UFC1: variants seen among roughly 807,000 people sequenced by gnomAD.
The protein encoded by UFC1 is ubiquitin-fold modifier-conjugating enzyme 1.
In UFC1, 22 loss-of-function variants were observed where a neutral mutation model predicts 28.0. The observed-to-expected ratio is 0.78, with a 90% CI of 0.56 to 1.12. The LOEUF is 1.12. Among genes scored for constraint, UFC1 ranks in the 50% most tolerant of loss-of-function variants. The pLI, the probability that UFC1 is intolerant of heterozygous loss-of-function variation, is 0.00. For missense variants in UFC1, 189 were observed against 207.8 expected (o/e 0.91, Z 0.56); for synonymous variants, 61 against 74.5 (o/e 0.82, Z 0.93).
At chr1:161,157,558 A>C (rs747744798) in intron 3 of UFC1, 59 bp from the exon 4 acceptor site, 63 of 1,513,332 alleles carry the variant, frequency 4.2e-5, no homozygotes, top group Non-Finnish European at 5.2e-5. Context: ...TGTATGTCTG[A>C]TTATATTAGT....
At chr1:161,154,379 G>A (rs1226954318) in intron 1 of UFC1, among the ~76,000 whole-genome samples, 3 of 152,156 alleles carry the variant, frequency 2.0e-5, no homozygotes, top group Non-Finnish European at 2.9e-5. Context: ...TTCCCCAGAA[G>A]GTGACGTGTC....
At chr1:161,157,988 T>C (rs1005532626) in intron 4 of UFC1, 133 bp from the exon 5 acceptor site, 21 of 791,584 alleles carry the variant, frequency 2.7e-5, no homozygotes, top group Non-Finnish European at 4.3e-5. Flanking sequence ...CCTCCTTTGC[T>C]GAGCCTAAGC....
In UFC1 at chr1:161,154,100, G is replaced by A. The variant is rs182746901; in HGVS notation, c.103G>A (p.Glu35Lys). Reference protein sequence around the residue: ...RELWVQRLKEEYQSLIRYVEN... With the variant: ...RELWVQRLKEKYQSLIRYVEN... ...GTTGTGGGTGCAGCGACTGAAGGAG[G>A]AATATCAGTCCCTTATCCGGGTTAG... Residue 35 changes from glutamate (E) to lysine (K), a missense_variant, in exon 1 of 6, where the codon GAA becomes AAA. By Grantham distance (56) the Glu-to-Lys change is moderately conservative. Coordinates refer to ENST00000368003, the MANE Select transcript of UFC1 (RefSeq NM_016406.4). 6.2e-7 allele frequency: 1 copy of A among 1,614,086 alleles called. No homozygotes were observed. The highest frequency in any genetic ancestry group is 8.5e-7 in the Non-Finnish European group (1 of 1,180,026).
intron 5 of UFC1, 68 bp from the exon 6 acceptor site, chr1:161,158,344 A>T: frequency 6.3e-7 from 1 of 1,599,016 alleles, no homozygotes; most frequent in Non-Finnish European, 8.6e-7. Flanking sequence ...TGTCTCCAGG[A>T]AGGAGCTTCT....
At position 161,158,608 on chromosome 1, in the gene UFC1, G is replaced by A. The variant is rs1452765617; in HGVS notation, c.*116G>A. The A allele has an allele frequency of 1.2e-5, 13 of 1,063,342 alleles. No homozygotes were observed. The highest frequency in any genetic ancestry group is 3.1e-5 in the African/African-American group (2 of 63,938). The allele number at this position is 1,063,342 out of a possible 1,614,324, so 65.9% of individuals were successfully genotyped here. A position where few individuals can be genotyped will look rare whatever the true frequency, so the allele number is the denominator to read the frequency against. ...CCCCGGACACCCTCCACCTCTAGTT[G>A]TTACTAAGTAGCTGCAGTAGGCATT... On this transcript the variant is annotated 3_prime_UTR_variant, in exon 6 of 6. Coordinates refer to ENST00000368003, the MANE Select transcript of UFC1 (RefSeq NM_016406.4).
In UFC1 at chr1:161,158,634, G is replaced by A; in HGVS notation, c.*142G>A. The A allele has an allele frequency of 1.2e-6, 1 of 815,216 alleles. No individual in the cohort carries two copies. Among genetic ancestry groups the A allele is most frequent in the Non-Finnish European group, 2.0e-6 (1 of 497,878 alleles). The allele number at this position is 815,216 out of a possible 1,614,324, so 50.5% of individuals were successfully genotyped here. On this transcript the variant is annotated 3_prime_UTR_variant, in exon 6 of 6. Transcript: ENST00000368003. ...TTACTAAGTAGCTGCAGTAGGCATT[G>A]CTGGGGAAGAAACAAACACACACCA...
chr1:161,156,526 G>A (rs1396930045), intron 1 of UFC1, among the ~76,000 whole-genome samples: 3 of 120,290 alleles, frequency 2.5e-5, no homozygotes, highest in African/African-American at 6.6e-5. Context: ...GTGACAGAGC[G>A]AGACTGTCTC....
chr1:161,154,767 G>A (rs1434663374), intron 1 of UFC1, among the ~76,000 whole-genome samples: 1 of 152,170 alleles, frequency 6.6e-6, no homozygotes, highest in Non-Finnish European at 1.5e-5. Flanking sequence ...GAGATTACAG[G>A]CGTGAGCCAC....
In UFC1 at chr1:161,158,797, T is replaced by G. The variant is rs1017283643; in HGVS notation, c.*305T>G. On this transcript the variant is annotated 3_prime_UTR_variant, in exon 6 of 6. Coordinates refer to ENST00000368003, the MANE Select transcript of UFC1 (RefSeq NM_016406.4). ...AGGCACGGGGGTAACTGAAAGTGAG[T>G]ACATATAGTCTTTCTGGTTTCTGGA... 5 of 389,622 alleles carry G rather than the reference T, an allele frequency of 1.3e-5. No homozygotes were observed. Among genetic ancestry groups the G allele is most frequent in the African/African-American group, 1.0e-4 (5 of 48,904 alleles). The allele number at this position is 389,622 out of a possible 1,614,324, so 24.1% of individuals were successfully genotyped here. A position where few individuals can be genotyped will look rare whatever the true frequency, so the allele number is the denominator to read the frequency against.
In UFC1 at chr1:161,158,687, C is replaced by A; in HGVS notation, c.*195C>A. 1 of 623,356 alleles carries A rather than the reference C, an allele frequency of 1.6e-6. No individual in the cohort carries two copies. Among genetic ancestry groups the A allele is most frequent in the Non-Finnish European group, 2.8e-6 (1 of 351,454 alleles). 38.6% of individuals were successfully genotyped at this position (623,356 alleles called of 1,614,324 possible). ...CAGTACTGCTACTTAGTTTCTAAGGCTGCACAGGGAAGGGAAAGACTGGGC... is the reference window on the plus strand; with the variant it reads ...CAGTACTGCTACTTAGTTTCTAAGGATGCACAGGGAAGGGAAAGACTGGGC... On this transcript the variant is annotated 3_prime_UTR_variant, in exon 6 of 6. Coordinates refer to ENST00000368003, the MANE Select transcript of UFC1 (RefSeq NM_016406.4).
In UFC1 at chr1:161,156,366, T is replaced by TA. The variant is rs879622245; in HGVS notation, c.124-570dup. Among the ~76,000 whole-genome samples, 953 of 135,266 alleles carry TA rather than the reference T, an allele frequency of 7.0e-3. 7 individuals are homozygous for TA. Among genetic ancestry groups the TA allele is most frequent in the African/African-American group, 0.02 (717 of 36,402 alleles). 88.7% of individuals were successfully genotyped at this position (135,266 alleles called of 152,430 possible). On this transcript the variant is annotated intron_variant, in intron 1 of 5. Coordinates refer to ENST00000368003, the MANE Select transcript of UFC1 (RefSeq NM_016406.4). ...TAATATGGTGAAACCCCATCTCTACTAAAAAAAAAAAAAATACAAAAAATT... is the reference window on the plus strand; with the variant it reads ...TAATATGGTGAAACCCCATCTCTACTAAAAAAAAAAAAAAATACAAAAAATT...
Position 161,154,130 on chromosome 1 carries a change from G to A in UFC1, c.123+10G>A. The A allele has an allele frequency of 6.2e-7, 1 of 1,614,012 alleles. No individual in the cohort carries two copies. Among genetic ancestry groups the A allele is most frequent in the Non-Finnish European group, 8.5e-7 (1 of 1,179,960 alleles). ...TCAGTCCCTTATCCGGGTTAGTTGT[G>A]TTTCTACAGTCTAACGCGTAGCATA... On this transcript the variant is annotated intron_variant, in intron 1 of 5. Coordinates refer to ENST00000368003, the MANE Select transcript of UFC1 (RefSeq NM_016406.4).
chr1:161,155,583 A>G (rs917427513), intron 1 of UFC1, among the ~76,000 whole-genome samples: 1 of 152,256 alleles, frequency 6.6e-6, no homozygotes, highest in African/African-American at 2.4e-5. Flanking sequence ...ACAAGACTGA[A>G]GGTAAGAGAC....
intron 1 of UFC1, 121 bp from the exon 2 acceptor site, chr1:161,156,829 C>A: frequency 3.4e-6 from 3 of 869,982 alleles, no homozygotes; most frequent in East Asian, 2.6e-5. Flanking sequence ...GCGACGGGAG[C>A]GAGATTCCAT....
chr1:161,156,825 G>A (rs1657521063), intron 1 of UFC1, 125 bp from the exon 2 acceptor site: 1 of 832,588 alleles, frequency 1.2e-6, no homozygotes, highest in Admixed American at 2.3e-5. Context: ...CTGTGCGACG[G>A]GAGCGAGATT....
At chr1:161,157,178 T>A (rs1239316770) in intron 2 of UFC1, 76 bp from the exon 3 acceptor site, 11 of 1,589,276 alleles carry the variant, frequency 6.9e-6, no homozygotes, top group Admixed American at 5.0e-5. Flanking sequence ...TCTCCCAGGC[T>A]GGTGGCCTAA....
intron 1 of UFC1, among the ~76,000 whole-genome samples, chr1:161,154,858 G>A (rs1440874140): frequency 6.6e-6 from 1 of 152,164 alleles, no homozygotes; most frequent in Admixed American, 6.5e-5. Flanking sequence ...GAGAGTTGGG[G>A]AGTTTAGCTC....
chr1:161,158,455 A>G lies in UFC1; in HGVS notation c.467A>G (p.Lys156Arg). The G allele has an allele frequency of 6.2e-7, 1 of 1,614,220 alleles. No homozygotes were observed. Among genetic ancestry groups the G allele is most frequent in the Non-Finnish European group, 8.5e-7 (1 of 1,180,044 alleles). The stretch of plus-strand genomic sequence containing the variant: ...GTGGAAATCCCTGATCTGATTCAGA[A>G]GGGCGTCATCCAACACAAAGAGAAA... Reference protein sequence around the residue: ...LAVEIPDLIQKGVIQHKEKCN... With the variant: ...LAVEIPDLIQRGVIQHKEKCN... The change falls in exon 6 of 6, where the codon AAG becomes AGG. Residue 156 changes from lysine (K) to arginine (R), a missense_variant. By Grantham distance (26) the Lys-to-Arg change is conservative. Coordinates refer to ENST00000368003, the MANE Select transcript of UFC1 (RefSeq NM_016406.4).
intron 1 of UFC1, among the ~76,000 whole-genome samples, chr1:161,156,464 A>G (rs1336457244): frequency 6.8e-6 from 1 of 147,288 alleles, no homozygotes; most frequent in African/African-American, 2.5e-5. Flanking sequence ...GCGTGAACCC[A>G]GGCAATGGAG....
Sources: gnomAD v4.1 joint callset for allele counts (sites outside exome capture counted in the v4.1 genomes callset) on GRCh38, gnomAD v4.1.1 for gene constraint, MANE v1.5 for transcripts, NCBI Gene and HGNC (gene_info 2026-07-23, HGNC 2026-07-21) for gene names.